LEKR1: variants seen among roughly 807,000 people sequenced by gnomAD.
LEKR1 encodes the protein protein LEKR1.
Under a neutral mutation model 72.4 loss-of-function variants are expected in LEKR1, and 59 were observed. The observed-to-expected ratio is 0.82, with a 90% CI of 0.66 to 1.01. The LOEUF is 1.01. Ranked by LOEUF, LEKR1 falls within the 50% of genes least tolerant of loss-of-function variation. LEKR1 has a pLI of 0.00. For synonymous variants in LEKR1, 257 were observed against 263.2 expected, an observed-to-expected ratio of 0.98 and a Z score of 0.23; for missense variants, 728 against 759.2, an observed-to-expected ratio of 0.96 and a Z score of 0.48.
chr3:156,858,962 TG>T (rs1716424118), intron 3 of LEKR1, among the ~76,000 whole-genome samples: 1 of 152,212 alleles, frequency 6.6e-6, no homozygotes, highest in South Asian at 2.1e-4. Flanking sequence ...ATGGATAGGT[TG>T]TTTTTTGACT....
At chr3:157,038,711 G>GC (rs1171117945) in intron 12 of LEKR1, among the ~76,000 whole-genome samples, 1 of 152,142 alleles carries the variant, frequency 6.6e-6, no homozygotes, top group Admixed American at 6.6e-5. Flanking sequence ...ATATAGACAG[G>GC]CCCACAGTCC....
chr3:156,921,720 G>A (rs187586382), intron 4 of LEKR1, among the ~76,000 whole-genome samples: 44 of 152,154 alleles, frequency 2.9e-4, no homozygotes, highest in African/African-American at 7.9e-4. Context: ...CATATCTGCC[G>A]CAGAAGGCTC....
At chr3:157,009,134 G>C (rs1194132731) in intron 9 of LEKR1, among the ~76,000 whole-genome samples, 1 of 151,930 alleles carries the variant, frequency 6.6e-6, no homozygotes, top group East Asian at 1.9e-4. Context: ...CTATTCTATA[G>C]AAGTATTATG....
intron 3 of LEKR1, among the ~76,000 whole-genome samples, chr3:156,905,176 C>A (rs1028364638): frequency 2.0e-5 from 3 of 152,058 alleles, no homozygotes; most frequent in African/African-American, 4.8e-5. Context: ...AACTCCCTTA[C>A]CTGTTAGCAA....
At chr3:156,919,416 A>C (rs143782273) in intron 3 of LEKR1, among the ~76,000 whole-genome samples, 1 of 152,170 alleles carries the variant, frequency 6.6e-6, no homozygotes, top group East Asian at 1.9e-4. Flanking sequence ...GACAGCTACT[A>C]TGCTGCCATT....
intron 3 of LEKR1, among the ~76,000 whole-genome samples, chr3:156,880,156 C>G (rs1315174738): frequency 1.3e-5 from 2 of 152,234 alleles, no homozygotes. Context: ...AGATGCTTTT[C>G]AGCCCATGAA....
chr3:156,991,772 T>G lies in LEKR1; in HGVS notation c.828-881T>G, dbSNP rs1200936555. 2.0e-5 allele frequency among the ~76,000 whole-genome samples: 3 copies of G among 152,226 alleles called. No homozygotes were observed. In the East Asian group the frequency reaches 5.8e-4, roughly 29 times the overall value. On this transcript the variant is annotated intron_variant, in intron 7 of 12. Transcript: ENST00000356539. ...TTGAGCAAAGTGAATAATTACTTCT[T>G]CAAAAATCTTTGTCTGCTCATTTCA...
intron 6 of LEKR1, chr3:156,977,720 T>C (rs1729820540): frequency 4.2e-6 from 1 of 237,378 alleles, no homozygotes; most frequent in Non-Finnish European, 9.0e-6. Context: ...AATAAGACAT[T>C]TCTGAAAACA....
intron 3 of LEKR1, among the ~76,000 whole-genome samples, chr3:156,870,867 G>A (rs1018120113): frequency 2.0e-5 from 3 of 152,006 alleles, no homozygotes; most frequent in Admixed American, 6.6e-5. Context: ...AGTTGGTTGA[G>A]TTTTTATCAT....
chr3:156,848,513 C>T (rs1284236166), intron 2 of LEKR1, among the ~76,000 whole-genome samples: 1 of 152,066 alleles, frequency 6.6e-6, no homozygotes, highest in Non-Finnish European at 1.5e-5. Context: ...GATCCAGGAA[C>T]CATATTAGGC....
chr3:156,878,724 C>A (rs1300292054), intron 3 of LEKR1, among the ~76,000 whole-genome samples: 1 of 151,902 alleles, frequency 6.6e-6, no homozygotes, highest in Non-Finnish European at 1.5e-5. Flanking sequence ...TTGGCTGTGT[C>A]CCCACCCAAT....
At chr3:156,879,256 G>C (rs966047045) in intron 3 of LEKR1, among the ~76,000 whole-genome samples, 1 of 152,172 alleles carries the variant, frequency 6.6e-6, no homozygotes, top group Non-Finnish European at 1.5e-5. Context: ...GGTTGAGGTG[G>C]TCTCAGATGG....
chr3:156,832,810 A>G (rs1295603530), intron 2 of LEKR1, among the ~76,000 whole-genome samples: 3 of 152,154 alleles, frequency 2.0e-5, no homozygotes, highest in Non-Finnish European at 4.4e-5. Context: ...TCAGCTCTGT[A>G]AGTCAACCTC....
At chr3:156,976,139 C>G (rs926685493) in intron 6 of LEKR1, among the ~76,000 whole-genome samples, 2 of 152,088 alleles carry the variant, frequency 1.3e-5, no homozygotes, top group Non-Finnish European at 2.9e-5. Flanking sequence ...TCTACCAGAA[C>G]CTATAGTGAA....
intron 3 of LEKR1, among the ~76,000 whole-genome samples, chr3:156,896,432 T>C (rs1721192996): frequency 6.6e-6 from 1 of 152,142 alleles, no homozygotes; most frequent in South Asian, 2.1e-4. Flanking sequence ...GATACACATG[T>C]GGCCAAAAAG....
At chr3:156,926,621 T>C (rs1724739744) in intron 4 of LEKR1, among the ~76,000 whole-genome samples, 1 of 152,000 alleles carries the variant, frequency 6.6e-6, no homozygotes, top group Non-Finnish European at 1.5e-5. Flanking sequence ...GTGTTATCCC[T>C]AGCACTTCTC....
intron 3 of LEKR1, among the ~76,000 whole-genome samples, chr3:156,912,441 T>C (rs1337907144): frequency 6.6e-6 from 1 of 152,190 alleles, no homozygotes; most frequent in Non-Finnish European, 1.5e-5. Context: ...TCCTATGCAC[T>C]GGGCAAGGCA....
intron 3 of LEKR1, among the ~76,000 whole-genome samples, 180 bp from the exon 4 acceptor site, chr3:156,920,395 C>G (rs140585087): frequency 6.6e-6 from 1 of 152,086 alleles, no homozygotes; most frequent in Non-Finnish European, 1.5e-5. Context: ...CACTCTCCTC[C>G]CCAGGATTTG....
At chr3:156,942,892 T>G (rs568349432) in intron 6 of LEKR1, 178 bp downstream of exon 6, 8 of 298,288 alleles carry the variant, frequency 2.7e-5, no homozygotes, top group Non-Finnish European at 4.4e-5. Context: ...CTTGCTGTCA[T>G]CATTTCCAGT....
Sources: allele counts gnomAD v4.1 joint callset (sites outside exome capture counted in the v4.1 genomes callset), GRCh38; gene constraint gnomAD v4.1.1; transcripts MANE v1.5; gene names NCBI Gene and HGNC (gene_info 2026-07-23, HGNC 2026-07-21).